ARMC2: variants seen among roughly 807,000 people sequenced by gnomAD.
ARMC2 encodes the protein armadillo repeat containing 2, also known as armadillo repeat-containing protein 2.
In ARMC2, 67 loss-of-function variants were observed where a neutral mutation model predicts 90.3. The observed-to-expected ratio is 0.74, with a 90% CI of 0.61 to 0.91. ARMC2 has a LOEUF of 0.91. Ranked by LOEUF, ARMC2 falls within the 40% of genes least tolerant of loss-of-function variation. The probability of loss-of-function intolerance (pLI) is 0.00; values close to 1 mark genes in which losing one functional copy is unlikely to be tolerated. For synonymous variants in ARMC2, 393 were observed against 393.0 expected, an observed-to-expected ratio of 1.00 and a Z score of 0.00; for missense variants, 920 against 1,030.9, an observed-to-expected ratio of 0.89 and a Z score of 1.47.
intron 4 of ARMC2, among the ~76,000 whole-genome samples, chr6:108,872,673 T>A (rs530509489): frequency 6.6e-6 from 1 of 152,260 alleles, no homozygotes; most frequent in African/African-American, 2.4e-5. Flanking sequence ...TGAAAAATGA[T>A]CATTTTCTGT....
chr6:108,998,862 C>A, the ARMC2 span: 3 of 1,308,464 alleles, frequency 2.3e-6, no homozygotes, highest in South Asian at 3.2e-5. Flanking sequence ...TCATACAAAG[C>A]CTAGCATAAA....
At chr6:108,881,166 T>G (rs1777511440) in intron 5 of ARMC2, among the ~76,000 whole-genome samples, 1 of 151,910 alleles carries the variant, frequency 6.6e-6, no homozygotes, top group African/African-American at 2.4e-5. Context: ...CTTTCTTTTC[T>G]TTTTCTTTTT....
chr6:108,880,344 C>G (rs1342381500), intron 5 of ARMC2: 1 of 174,650 alleles, frequency 5.7e-6, no homozygotes, highest in Non-Finnish European at 1.2e-5. Flanking sequence ...TTTGCCAACC[C>G]CAGCTACAGC....
chr6:109,030,386 C>A, the ARMC2 span, among the ~76,000 whole-genome samples: 1 of 152,130 alleles, frequency 6.6e-6, no homozygotes, highest in Non-Finnish European at 1.5e-5. Flanking sequence ...GTGTAGATTG[C>A]TAGTAGTAAG....
chr6:109,050,255 T>C, the ARMC2 span, among the ~76,000 whole-genome samples: 6 of 152,108 alleles, frequency 3.9e-5, no homozygotes, highest in African/African-American at 1.2e-4. Context: ...GACTGACCAA[T>C]TGTGCTACCA....
At chr6:108,990,787 G>C in the ARMC2 span, 1 of 1,613,920 alleles carries the variant, frequency 6.2e-7, no homozygotes, top group Non-Finnish European at 8.5e-7. Context: ...CCCACATCTG[G>C]ATAAAGGCGA....
the ARMC2 span, chr6:109,009,350 C>CCCAGGTACCTCGTCCTGGTCGCG: frequency 2.0e-6 from 3 of 1,470,678 alleles, no homozygotes; most frequent in South Asian, 3.9e-5. Context: ...CAGCCCCTCG[C>CCCAGGTACCTCGTCCTGGTCGCG]CCAGGTACCT....
chr6:108,947,097 GA>G (rs1386890322), intron 12 of ARMC2, among the ~76,000 whole-genome samples: 6 of 152,150 alleles, frequency 3.9e-5, no homozygotes, highest in Non-Finnish European at 7.4e-5. Flanking sequence ...GAGGAGCCTG[GA>G]AAGGGCCTCT....
At chr6:108,876,646 G>C (rs1381624908) in intron 5 of ARMC2, among the ~76,000 whole-genome samples, 1 of 152,166 alleles carries the variant, frequency 6.6e-6, no homozygotes, top group East Asian at 1.9e-4. Context: ...AGTGATGACT[G>C]ATCATTCCGT....
At chr6:108,978,800 G>A (rs963005397), downstream of ARMC2, among the ~76,000 whole-genome samples, 7 of 151,832 alleles carry the variant, frequency 4.6e-5, no homozygotes, top group Non-Finnish European at 7.4e-5. Flanking sequence ...TGTTTTATCA[G>A]AGGGTAGGAT....
the ARMC2 span, among the ~76,000 whole-genome samples, chr6:109,025,945 A>G: frequency 6.6e-6 from 1 of 150,464 alleles, no homozygotes; most frequent in Non-Finnish European, 1.5e-5. Context: ...TAAAGACACC[A>G]ATACTCTTTT....
At chr6:108,871,430 G>A (rs1463830772) in intron 4 of ARMC2, among the ~76,000 whole-genome samples, 8 of 152,072 alleles carry the variant, frequency 5.3e-5, no homozygotes, top group Non-Finnish European at 1.2e-4. Context: ...ATCAGAAAGG[G>A]TTGGTAATTG....
the ARMC2 span, among the ~76,000 whole-genome samples, chr6:108,985,096 T>C: frequency 1.3e-5 from 2 of 152,296 alleles, no homozygotes; most frequent in South Asian, 4.1e-4. Flanking sequence ...GCTAGTAACA[T>C]TTCTGATTCA....
chr6:109,005,113 C>T, the ARMC2 span, among the ~76,000 whole-genome samples: 23 of 152,186 alleles, frequency 1.5e-4, no homozygotes, highest in South Asian at 3.7e-3. Context: ...AAATGCCATA[C>T]GTAAAAGGAT....
At chr6:108,872,041 G>A (rs1370461865) in intron 4 of ARMC2, among the ~76,000 whole-genome samples, 1 of 152,220 alleles carries the variant, frequency 6.6e-6, no homozygotes, top group East Asian at 1.9e-4. Flanking sequence ...TTGTATAAGA[G>A]CTCCCTGGGT....
intron 13 of ARMC2, among the ~76,000 whole-genome samples, chr6:108,958,635 G>T (rs950249688): frequency 6.6e-5 from 10 of 152,200 alleles, no homozygotes; most frequent in African/African-American, 2.4e-4. Flanking sequence ...AGTGTCATCA[G>T]TCTGGGGCTG....
intron 6 of ARMC2, among the ~76,000 whole-genome samples, chr6:108,897,474 C>A (rs1771712530): frequency 6.6e-6 from 1 of 151,928 alleles, no homozygotes; most frequent in South Asian, 2.1e-4. Flanking sequence ...TACTGCACTG[C>A]AAATGTTTAA....
At chr6:108,971,197 G>A (rs1778742153) in intron 17 of ARMC2, among the ~76,000 whole-genome samples, 1 of 152,126 alleles carries the variant, frequency 6.6e-6, no homozygotes, top group South Asian at 2.1e-4. Context: ...GCACTCCAGA[G>A]TAGACTCTGT....
At chr6:109,007,209 T>C in the ARMC2 span, among the ~76,000 whole-genome samples, 1 of 152,212 alleles carries the variant, frequency 6.6e-6, no homozygotes, top group Non-Finnish European at 1.5e-5. Flanking sequence ...ATGTTGACAG[T>C]AGTACCACAG....
Sources: allele counts gnomAD v4.1 joint callset (sites outside exome capture counted in the v4.1 genomes callset), GRCh38; gene constraint gnomAD v4.1.1; transcripts MANE v1.5; gene names NCBI Gene and HGNC (gene_info 2026-07-23, HGNC 2026-07-21).